SYNE2: variants seen among roughly 807,000 people sequenced by gnomAD.
The protein encoded by SYNE2 is nesprin-2.
A neutral mutation model predicts 856.3 loss-of-function variants in SYNE2; 431 were observed. That is an observed-to-expected ratio of 0.50 (90% CI 0.47 to 0.55). The LOEUF is 0.55. SYNE2 is among the 20% of genes least tolerant of loss of function. The pLI is 0.00. For synonymous variants in SYNE2, 2,923 were observed against 2,872.3 expected (o/e 1.02, Z -0.56); for missense variants, 8,129 against 8,023.2 (o/e 1.01, Z -0.50).
intron 1 of SYNE2, among the ~76,000 whole-genome samples, chr14:63,811,265 A>T (rs995298013): frequency 8.0e-5 from 12 of 149,962 alleles, no homozygotes; most frequent in East Asian, 2.0e-4. Context: ...TATTATTATT[A>T]TTTTTTTTGA....
At chr14:63,968,534 T>C (rs529073266) in intron 11 of SYNE2, among the ~76,000 whole-genome samples, 79 of 152,318 alleles carry the variant, frequency 5.2e-4, no homozygotes, top group African/African-American at 1.7e-3. Flanking sequence ...AATTTGTGCA[T>C]GTGTGTCTGA....
chr14:64,167,597 T>C lies in SYNE2; in HGVS notation c.16863T>C (p.Ala5621=), dbSNP rs200618488. 3.1e-6 allele frequency: 5 copies of C among 1,614,102 alleles called. No individual in the cohort carries two copies. Among genetic ancestry groups the C allele is most frequent in the Non-Finnish European group, 3.4e-6 (4 of 1,180,050 alleles). ...KIEEALKVDV[A]NSLPELLEQQ... ...AAGAAGCACTCAAAGTGGATGTGGC[T>C]AACAGCCTTCCTGAGCTCCTGGAGC... The change falls in exon 92 of 116, where the codon GCT becomes GCC. Residue 5621 remains alanine (A), a synonymous_variant. Coordinates refer to ENST00000555002, the MANE Select transcript of SYNE2 (RefSeq NM_182914.3).
chr14:63,910,775 A>G (rs998204865), intron 2 of SYNE2, among the ~76,000 whole-genome samples: 1 of 152,184 alleles, frequency 6.6e-6, no homozygotes, highest in Non-Finnish European at 1.5e-5. Flanking sequence ...AGTAAGGGAG[A>G]CAAAGGGGCT....
intron 57 of SYNE2, among the ~76,000 whole-genome samples, chr14:64,086,142 T>C (rs1173770759): frequency 6.6e-6 from 1 of 152,244 alleles, no homozygotes; most frequent in African/African-American, 2.4e-5. Context: ...TAGTTTTAAC[T>C]CTTACTCTCT....
intron 2 of SYNE2, among the ~76,000 whole-genome samples, chr14:63,935,056 G>A (rs997638093): frequency 6.6e-6 from 1 of 151,572 alleles, no homozygotes; most frequent in Non-Finnish European, 1.5e-5. Flanking sequence ...ATGTTTAAAA[G>A]TTATTCTCTT....
At chr14:63,883,374 T>TA (rs1281573352) in intron 1 of SYNE2, among the ~76,000 whole-genome samples, 1 of 151,876 alleles carries the variant, frequency 6.6e-6, no homozygotes, top group African/African-American at 2.4e-5. Context: ...ATTCATTTAT[T>TA]AAAGTCAGGG....
At chr14:64,142,611 C>G (rs753837510) in intron 82 of SYNE2, among the ~76,000 whole-genome samples, 10 of 152,152 alleles carry the variant, frequency 6.6e-5, no homozygotes, top group Admixed American at 1.3e-4. Flanking sequence ...ATTAGTAGCT[C>G]CTATCATGCA....
chr14:64,205,588 C>T (rs1477818433), intron 100 of SYNE2, among the ~76,000 whole-genome samples: 1 of 152,198 alleles, frequency 6.6e-6, no homozygotes, highest in East Asian at 1.9e-4. Context: ...GCCATGATGT[C>T]CCCGGATCCT....
rs79753356 is a variant in SYNE2 at position 64,159,857 on chromosome 14, G to A, written c.16094+415G>A. 3.2e-3 allele frequency among the ~76,000 whole-genome samples: 487 copies of A among 152,256 alleles called. 5 individuals carry two copies. The highest frequency in any genetic ancestry group is 0.011 in the African/African-American group (459 of 41,542). On this transcript the variant is annotated intron_variant, in intron 87 of 115. Coordinates refer to ENST00000555002, the MANE Select transcript of SYNE2 (RefSeq NM_182914.3). ...AAGGGGATGTTAGAGTATCTGTTGCGGAGGGCATTTGTGGGTTTGGAAGGA... is the reference window on the plus strand; with the variant it reads ...AAGGGGATGTTAGAGTATCTGTTGCAGAGGGCATTTGTGGGTTTGGAAGGA...
At chr14:63,829,584 T>A (rs983496585) in intron 1 of SYNE2, among the ~76,000 whole-genome samples, 1 of 152,144 alleles carries the variant, frequency 6.6e-6, no homozygotes, top group Non-Finnish European at 1.5e-5. Context: ...CTCATATTTT[T>A]ATTTTTTATT....
At chr14:64,164,776 A>AG (rs2098361543) in intron 89 of SYNE2, among the ~76,000 whole-genome samples, 1 of 152,202 alleles carries the variant, frequency 6.6e-6, no homozygotes, top group South Asian at 2.1e-4. Flanking sequence ...GTGAAAAATC[A>AG]GGGGGCTTCT....
chr14:63,774,011 G>A (rs530495587), intron 1 of SYNE2, among the ~76,000 whole-genome samples: 2 of 152,288 alleles, frequency 1.3e-5, no homozygotes, highest in African/African-American at 4.8e-5. Flanking sequence ...GTCACTAGAA[G>A]ACGTTTCCCT....
chr14:63,777,891 A>G (rs1254678558), intron 1 of SYNE2, among the ~76,000 whole-genome samples: 3 of 151,986 alleles, frequency 2.0e-5, no homozygotes, highest in Non-Finnish European at 4.4e-5. Flanking sequence ...CTGGTCTCAA[A>G]CTCCTGGCCT....
At chr14:64,055,918 A>G (rs753131919) in intron 48 of SYNE2, 26 bp from the exon 49 acceptor site, 8 of 1,595,902 alleles carry the variant, frequency 5.0e-6, no homozygotes, top group Admixed American at 3.4e-5. Flanking sequence ...CAATTTTGTC[A>G]CAGCATTTAA....
chr14:64,208,215 C>G (rs967995377), intron 100 of SYNE2: 5 of 454,026 alleles, frequency 1.1e-5, no homozygotes, highest in African/African-American at 1.0e-4. Context: ...GAATTTCTCC[C>G]TTGGGCTCAT....
intron 93 of SYNE2, 40 bp from the exon 94 acceptor site, chr14:64,170,188 T>C: frequency 6.3e-7 from 1 of 1,591,880 alleles, no homozygotes; most frequent in South Asian, 1.1e-5. Flanking sequence ...TTTTTCTACA[T>C]GTCGATGTCT....
At chr14:63,846,059 T>C (rs1221222867) in intron 1 of SYNE2, among the ~76,000 whole-genome samples, 1 of 150,136 alleles carries the variant, frequency 6.7e-6, no homozygotes, top group Non-Finnish European at 1.5e-5. Context: ...TTTTTTTTTT[T>C]TCCTCTTGAG....
At position 63,991,132 on chromosome 14, in the gene SYNE2, C is replaced by T; in HGVS notation, c.2646+17C>T. 1.9e-6 allele frequency: 3 copies of T among 1,613,304 alleles called. No individual in the cohort carries two copies. Among genetic ancestry groups the T allele is most frequent in the Non-Finnish European group, 2.5e-6 (3 of 1,179,436 alleles). ...AAACACAAGGTGGGAATCTTTTCAACCATCAAATGTAGGACATTATTGTTA... is the reference window on the plus strand; with the variant it reads ...AAACACAAGGTGGGAATCTTTTCAATCATCAAATGTAGGACATTATTGTTA... On this transcript the variant is annotated intron_variant, in intron 21 of 115. Coordinates refer to ENST00000555002, the MANE Select transcript of SYNE2 (RefSeq NM_182914.3).
rs767184847 is a variant in SYNE2 at position 64,093,433 on chromosome 14, C to G, written c.12061C>G (p.Leu4021Val). The change falls in exon 61 of 116, where the codon CTT (leucine) becomes GTT (valine). Residue 4021 changes from leucine (L) to valine (V), a missense_variant. Physicochemically the swap from Leu to Val is conservative, Grantham distance 32. Transcript: ENST00000555002. ...ILNNYSAQFS[L>V]EHMSPDQADK... is the part of the protein sequence containing the mutation. The stretch of plus-strand genomic sequence containing the variant: ...AAATAATTATTCAGCTCAGTTCTCC[C>G]TTGAACATATGTCACCAGACCAAGC... 6.2e-7 allele frequency: 1 copy of G among 1,614,022 alleles called. No individual in the cohort carries two copies. The highest frequency in any genetic ancestry group is 1.1e-5 in the South Asian group (1 of 91,086).
Sources: gnomAD v4.1 joint callset for allele counts (sites outside exome capture counted in the v4.1 genomes callset) on GRCh38, gnomAD v4.1.1 for gene constraint, MANE v1.5 for transcripts, NCBI Gene and HGNC (gene_info 2026-07-23, HGNC 2026-07-21) for gene names.